Variants in LMOD3 observed in about 807,000 individuals in gnomAD.
The protein encoded by LMOD3 is leiomodin 3, also known as leiomodin-3.
Under a neutral mutation model 41.8 loss-of-function variants are expected in LMOD3, and 31 were observed. That is an observed-to-expected ratio of 0.74 (90% CI 0.56 to 1.00). The LOEUF (loss-of-function observed/expected upper bound fraction) is 1.00. Ranked by LOEUF, LMOD3 falls within the 50% of genes least tolerant of loss-of-function variation. The probability of loss-of-function intolerance (pLI) is 0.00; values close to 1 mark genes in which losing one functional copy is unlikely to be tolerated. For missense variants in LMOD3, 755 were observed against 679.5 expected (o/e 1.11, Z -1.23); for synonymous variants, 292 against 241.9 (o/e 1.21, Z -1.92).
intron 1 of LMOD3, among the ~76,000 whole-genome samples, chr3:69,120,348 G>C (rs920168316): frequency 6.6e-6 from 1 of 151,858 alleles, no homozygotes; most frequent in African/African-American, 2.4e-5. Context: ...ATTGTTCATC[G>C]ATACACTGAA....
chr3:69,119,298 C>A lies in LMOD3; in HGVS notation c.1057G>T (p.Gly353Cys). 1.9e-6 allele frequency: 3 copies of A among 1,613,938 alleles called. No homozygotes were observed. The highest frequency in any genetic ancestry group is 2.5e-6 in the Non-Finnish European group (3 of 1,179,894). The change falls in exon 2 of 3, where the codon GGT becomes TGT. Residue 353 changes from glycine to cysteine, a missense_variant. Physicochemically the swap from Gly to Cys is radical, Grantham distance 159. Transcript: ENST00000420581. ...GCTATTTCCATTTCAGCATGGTGAC[C>A]CAACATGTGCCTCTGATTGTGAAAC... ...LRFHNQRHML[G>C]HHAEMEIARL...
At chr3:69,121,362 A>G (rs978544128) in intron 1 of LMOD3, among the ~76,000 whole-genome samples, 9 of 152,208 alleles carry the variant, frequency 5.9e-5, no homozygotes, top group South Asian at 2.1e-4. Context: ...ATCTTTGTAA[A>G]CAGGCATAAC....
chr3:69,109,152 A>T lies in LMOD3; in HGVS notation c.1657-31T>A, dbSNP rs1004685978. On this transcript the variant is annotated intron_variant, in intron 2 of 2. Coordinates refer to ENST00000420581, the MANE Select transcript of LMOD3 (RefSeq NM_198271.5). ...ATTTAAGCATTTGAGGAAACGGGGGAAATTAATCCTGGAAATTTAAGAGCT... is the reference window on the plus strand; with the variant it reads ...ATTTAAGCATTTGAGGAAACGGGGGTAATTAATCCTGGAAATTTAAGAGCT... The T allele has an allele frequency of 3.8e-6, 6 of 1,591,402 alleles. No homozygotes were observed. The African/African-American group carries it at 6.7e-5, about 18-fold the overall frequency.
chr3:69,110,853 A>AAAAAAAAAAAAAAAAT (rs1458630453), intron 2 of LMOD3, among the ~76,000 whole-genome samples: 2 of 104,168 alleles, frequency 1.9e-5, no homozygotes, highest in African/African-American at 9.6e-5. Context: ...AAAAAAAAAA[A>AAAAAAAAAAAAAAAAT]ATATATATAT....
intron 1 of LMOD3, among the ~76,000 whole-genome samples, chr3:69,121,125 T>C (rs2092405275): frequency 1.3e-5 from 2 of 152,154 alleles, no homozygotes; most frequent in Admixed American, 1.3e-4. Flanking sequence ...AAAAACATGT[T>C]GCAAGTACTC....
At chr3:69,115,318 C>A (rs2092366582) in intron 2 of LMOD3, among the ~76,000 whole-genome samples, 1 of 150,436 alleles carries the variant, frequency 6.6e-6, no homozygotes, top group Non-Finnish European at 1.5e-5. Flanking sequence ...CTCATCCCTA[C>A]AAATTAAAAA....
rs764920392 is a variant in LMOD3 at position 69,115,519 on chromosome 3, A to ACACACACACACACACAC, written c.1656+3179_1656+3180insGTGTGTGTGTGTGTGTG. On this transcript the variant is annotated intron_variant, in intron 2 of 2. Transcript: ENST00000420581. ...ACACACACACACACACACACACACAAAACTTTTCTAAGAAAAAAATTTGTT... is the reference window on the plus strand; with the variant it reads ...ACACACACACACACACACACACACAACACACACACACACACACAACTTTTCTAAGAAAAAAATTTGTT... 7.7e-5 allele frequency among the ~76,000 whole-genome samples: 11 copies of ACACACACACACACACAC among 143,450 alleles called. No individual in the cohort carries two copies. In the South Asian group the frequency reaches 1.3e-3, roughly 17 times the overall value. The allele number at this position is 143,450 out of a possible 152,430, so 94.1% of individuals were successfully genotyped here.
At position 69,118,960 on chromosome 3, in the gene LMOD3, G is replaced by C. The variant is rs921172037; in HGVS notation, c.1395C>G (p.Arg465=). 3 of 1,612,932 alleles carry C rather than the reference G, an allele frequency of 1.9e-6. No homozygotes were observed. The highest frequency in any genetic ancestry group is 2.7e-5 in the African/African-American group (2 of 74,556). The change falls in exon 2 of 3, where the codon CGC becomes CGG. Residue 465 remains arginine (R), a synonymous_variant. Coordinates refer to ENST00000420581, the MANE Select transcript of LMOD3 (RefSeq NM_198271.5). ...PNPQNVPFSQ[R]SEMMKKPSQA... is the part of the protein sequence containing the mutation. ...GCGATGGCTTTTTCATCATTTCACT[G>C]CGTTGACTAAAGGGGACATTTTGGG...
intron 1 of LMOD3, 66 bp downstream of exon 1, chr3:69,122,027 C>G: frequency 1.5e-6 from 2 of 1,338,970 alleles, no homozygotes; most frequent in South Asian, 1.4e-5. Context: ...ATCACAGTTA[C>G]AACAGAGAGA....
intron 2 of LMOD3, among the ~76,000 whole-genome samples, chr3:69,116,373 A>G (rs1170358809): frequency 1.3e-5 from 2 of 152,242 alleles, no homozygotes; most frequent in Non-Finnish European, 2.9e-5. Context: ...GAAATTGCCA[A>G]TCCTTCAGAA....
chr3:69,122,143 TG>T lies in LMOD3; in HGVS notation c.243del (p.Arg82GlyfsTer14). ...ACTCGTTCCTCTTCCAGCATGCGCC[TG>T]GATGCCTTTTCCCAATACATATAAT... ...LVDYMYWEKA[S>X]RRMLEEERVP... On this transcript the variant is annotated frameshift_variant, in exon 1 of 3. Transcript: ENST00000420581. LOFTEE classifies it high-confidence loss of function. The T allele has an allele frequency of 1.2e-6, 2 of 1,612,892 alleles. No individual in the cohort carries two copies. The highest frequency in any genetic ancestry group is 1.7e-6 in the Non-Finnish European group (2 of 1,179,474).
intron 1 of LMOD3, among the ~76,000 whole-genome samples, 199 bp downstream of exon 1, chr3:69,121,894 C>T (rs971935000): frequency 3.3e-5 from 5 of 152,156 alleles, no homozygotes; most frequent in African/African-American, 1.2e-4. Flanking sequence ...AAGAAATTAC[C>T]CAATTTTCCC....
At chr3:69,115,330 C>CAA (rs151080184) in intron 2 of LMOD3, among the ~76,000 whole-genome samples, 6 of 150,716 alleles carry the variant, frequency 4.0e-5, no homozygotes, top group Non-Finnish European at 7.4e-5. Flanking sequence ...AATTAAAAAA[C>CAA]AAAAAAAAAT....
Position 69,106,247 on chromosome 3 carries a change from G to A in LMOD3, c.*2848C>T, listed in dbSNP as rs1024822342. On this transcript the variant is annotated 3_prime_UTR_variant, in exon 3 of 3. Coordinates refer to ENST00000420581, the MANE Select transcript of LMOD3 (RefSeq NM_198271.5). ...CCAGTGGGATCCTATTTTTAAACCTGGCACGAGTTTTATATACATGTTAGC... is the reference window on the plus strand; with the variant it reads ...CCAGTGGGATCCTATTTTTAAACCTAGCACGAGTTTTATATACATGTTAGC... Among the ~76,000 whole-genome samples, 1 of 152,026 alleles carries A rather than the reference G, an allele frequency of 6.6e-6. No homozygotes were observed. The highest frequency in any genetic ancestry group is 2.4e-5 in the African/African-American group (1 of 41,382).
In LMOD3 at chr3:69,119,974, T is replaced by C. The variant is rs748711964; in HGVS notation, c.381A>G (p.Ile127Met). Reference sequence around the variant, plus strand: ...CCTTTGATTCTCTTTTATTTGCAACTATTTCATTATTGAGCTTTTCTTTTA... The same window carrying C: ...CCTTTGATTCTCTTTTATTTGCAACCATTTCATTATTGAGCTTTTCTTTTA... Reference protein sequence around the residue: ...QYLKEKLNNEIVANKRESKGS... With the variant: ...QYLKEKLNNEMVANKRESKGS... Residue 127 changes from isoleucine (I) to methionine (M), a missense_variant, in exon 2 of 3, where the codon ATA becomes ATG. Transcript: ENST00000420581. The C allele has an allele frequency of 1.3e-6, 2 of 1,595,960 alleles. No individual in the cohort carries two copies. Among genetic ancestry groups the C allele is most frequent in the Non-Finnish European group, 1.7e-6 (2 of 1,169,666 alleles).
In LMOD3 at chr3:69,119,748, G is replaced by C; in HGVS notation, c.607C>G (p.Pro203Ala). 6.2e-7 allele frequency: 1 copy of C among 1,613,736 alleles called. No individual in the cohort carries two copies. Among genetic ancestry groups the C allele is most frequent in the Middle Eastern group, 1.6e-4 (1 of 6,062 alleles). ...DKAFKEQRDR[P>A]EAQEQSEKKI... ...TTCTCACTTTGTTCTTGGGCCTCTG[G>C]TCTGTCTCTCTGTTCTTTGAATGCT... The change falls in exon 2 of 3, where the codon CCA becomes GCA. Residue 203 changes from proline (P) to alanine (A), a missense_variant. Physicochemically the swap from Pro to Ala is conservative, Grantham distance 27. Transcript: ENST00000420581.
rs376665589 is a variant in LMOD3 at position 69,119,209 on chromosome 3, G to A, written c.1146C>T (p.Pro382=). 8.7e-6 allele frequency: 14 copies of A among 1,613,892 alleles called. No individual in the cohort carries two copies. Among genetic ancestry groups the A allele is most frequent in the Non-Finnish European group, 1.0e-5 (12 of 1,179,866 alleles). The change falls in exon 2 of 3, where the codon CCC becomes CCT. Residue 382 remains proline, a synonymous_variant. Coordinates refer to ENST00000420581, the MANE Select transcript of LMOD3 (RefSeq NM_198271.5). Reference sequence around the variant, plus strand: ...TGAGCAGATTAGTGACCACCATTCTGGGACCCGGAAGCTCAAAATGGTAGC... The same window carrying A: ...TGAGCAGATTAGTGACCACCATTCTAGGACCCGGAAGCTCAAAATGGTAGC... ...KMGYHFELPG[P]RMVVTNLLTR...
At chr3:69,120,446 T>C (rs2092402146) in intron 1 of LMOD3, among the ~76,000 whole-genome samples, 1 of 151,736 alleles carries the variant, frequency 6.6e-6, no homozygotes, top group African/African-American at 2.4e-5. Flanking sequence ...CAATATATTA[T>C]AAATGTGATA....
At position 69,106,125 on chromosome 3, in the gene LMOD3, C is replaced by T. The variant is rs535778829; in HGVS notation, c.*2970G>A. On this transcript the variant is annotated 3_prime_UTR_variant, in exon 3 of 3. Coordinates refer to ENST00000420581, the MANE Select transcript of LMOD3 (RefSeq NM_198271.5). ...CTTAAATACCTGAGAAACTTGGCGA[C>T]GACCCTATAAACAGTGAAGCAAACA... 5.9e-5 allele frequency: 9 copies of T among 152,142 alleles called. No individual in the cohort carries two copies. Among genetic ancestry groups the T allele is most frequent in the African/African-American group, 9.7e-5 (4 of 41,418 alleles). The allele number at this position is 152,142 out of a possible 1,614,324, so 9.4% of individuals were successfully genotyped here.
Sources: allele counts gnomAD v4.1 joint callset (sites outside exome capture counted in the v4.1 genomes callset), GRCh38; gene constraint gnomAD v4.1.1; transcripts MANE v1.5; gene names NCBI Gene and HGNC (gene_info 2026-07-23, HGNC 2026-07-21).